Variants in PHTF1 observed in about 807,000 individuals in gnomAD.
PHTF1 encodes protein PHTF1.
A neutral mutation model predicts 102.4 loss-of-function variants in PHTF1; 88 were observed. The observed-to-expected ratio is 0.86, with a 90% CI of 0.72 to 1.03. The LOEUF (loss-of-function observed/expected upper bound fraction) is 1.03, where lower values mean the gene tolerates loss of function less well. PHTF1 is among the 50% of genes least tolerant of loss of function. The probability of loss-of-function intolerance (pLI) is 0.00; values close to 1 mark genes in which losing one functional copy is unlikely to be tolerated. For missense variants in PHTF1, 814 were observed against 909.5 expected, an observed-to-expected ratio of 0.89 and a Z score of 1.35; for synonymous variants, 289 against 305.2, an observed-to-expected ratio of 0.95 and a Z score of 0.55.
chr1:113,704,909 A>G (rs1270906322), intron 13 of PHTF1, 112 bp from the exon 14 acceptor site: 7 of 806,830 alleles, frequency 8.7e-6, no homozygotes, highest in East Asian at 7.7e-5. Context: ...ATGAAGTTCT[A>G]ATCAGTGTTC....
At chr1:113,756,834 G>C (rs928640068) in intron 3 of PHTF1, among the ~76,000 whole-genome samples, 1 of 152,166 alleles carries the variant, frequency 6.6e-6, no homozygotes, top group African/African-American at 2.4e-5. Flanking sequence ...TCAGTTCTAA[G>C]AGCTGTGTAG....
intron 5 of PHTF1, among the ~76,000 whole-genome samples, chr1:113,731,354 G>C (rs1048679394): frequency 1.3e-5 from 2 of 150,932 alleles, no homozygotes; most frequent in Non-Finnish European, 3.0e-5. Context: ...GCAATATAGC[G>C]AGAGCCCATC....
Position 113,706,635 on chromosome 1 carries a change from C to T in PHTF1, c.1357G>A (p.Asp453Asn). 6.2e-7 allele frequency: 1 copy of T among 1,612,024 alleles called. No individual in the cohort carries two copies. The highest frequency in any genetic ancestry group is 1.3e-5 in the African/African-American group (1 of 74,892). The change falls in exon 12 of 19, where the codon GAT (aspartate) becomes AAT (asparagine). Residue 453 changes from aspartate to asparagine, a missense_variant. Transcript: ENST00000369604. ...CCACTTATTTCCAACACAGACATAT[C>T]CATCTTTTTGCACTCATTCCCCTCC... ...IWEGNECKKM[D>N]MSVLEISGII... is the part of the protein sequence containing the mutation.
intron 3 of PHTF1, among the ~76,000 whole-genome samples, chr1:113,755,752 GAA>G (rs1658761957): frequency 6.6e-6 from 1 of 152,132 alleles, no homozygotes; most frequent in African/African-American, 2.4e-5. Flanking sequence ...AAATGACATG[GAA>G]AAGAGTGAAG....
Position 113,713,323 on chromosome 1 carries a change from T to C in PHTF1, c.739A>G (p.Thr247Ala). Residue 247 changes from threonine to alanine, a missense_variant, in exon 8 of 19, where the codon ACA (threonine) becomes GCA (alanine). Coordinates refer to ENST00000369604, the MANE Select transcript of PHTF1 (RefSeq NM_001323043.2). ...TCTGAAAATTTTGCTTTCTCTCTTG[T>C]TTGCCACATTCTAATCTCTGGTCGA... ...QCRPEIRMWQ[T>A]REKAKFSDGE... is the part of the protein sequence containing the mutation. The C allele has an allele frequency of 6.2e-7, 1 of 1,613,872 alleles. No homozygotes were observed. Among genetic ancestry groups the C allele is most frequent in the Non-Finnish European group, 8.5e-7 (1 of 1,179,796 alleles).
intron 4 of PHTF1, among the ~76,000 whole-genome samples, chr1:113,738,475 T>C (rs1172240679): frequency 6.6e-6 from 1 of 152,200 alleles, no homozygotes; most frequent in Non-Finnish European, 1.5e-5. Flanking sequence ...TCAGGCTTAC[T>C]TGAATGTTAA....
chr1:113,697,822 A>G (rs1648956963), intron 18 of PHTF1, 97 bp from the exon 19 acceptor site: 5 of 813,494 alleles, frequency 6.1e-6, no homozygotes, highest in South Asian at 6.1e-5. Flanking sequence ...ATCCTTTATA[A>G]AAGAAGAAAA....
At position 113,723,812 on chromosome 1, in the gene PHTF1, G is replaced by A. The variant is rs1653384326; in HGVS notation, c.623+947C>T. Among the ~76,000 whole-genome samples, 4 of 152,062 alleles carry A rather than the reference G, an allele frequency of 2.6e-5. No homozygotes were observed. In the South Asian group the frequency reaches 8.3e-4, roughly 32 times the overall value. ...GTTAAAAAGCATCTATATAGCAAAG[G>A]AAACAATCAACCAAGTGAAAATACA... On this transcript the variant is annotated intron_variant, in intron 7 of 18. Transcript: ENST00000369604.
chr1:113,720,585 C>G (rs1557930306), intron 7 of PHTF1, among the ~76,000 whole-genome samples: 1 of 152,172 alleles, frequency 6.6e-6, no homozygotes, highest in Non-Finnish European at 1.5e-5. Flanking sequence ...AAAATGATAT[C>G]AAGTATCACC....
At chr1:113,721,846 C>G (rs1011895900) in intron 7 of PHTF1, among the ~76,000 whole-genome samples, 1 of 151,720 alleles carries the variant, frequency 6.6e-6, no homozygotes, top group African/African-American at 2.4e-5. Context: ...CCCGCCACCA[C>G]GCCCGGCTAA....
At chr1:113,698,179 AC>A in intron 18 of PHTF1, 82 bp downstream of exon 18, 1 of 888,612 alleles carries the variant, frequency 1.1e-6, no homozygotes, top group Non-Finnish European at 1.7e-6. Flanking sequence ...ACACACACAC[AC>A]ACACACACGT....
At chr1:113,747,281 T>C (rs532945668) in intron 3 of PHTF1, among the ~76,000 whole-genome samples, 1 of 152,340 alleles carries the variant, frequency 6.6e-6, no homozygotes, top group South Asian at 2.1e-4. Flanking sequence ...TCTCACAAAT[T>C]TTTTGCTTGT....
chr1:113,731,625 G>C (rs4393155), intron 5 of PHTF1, among the ~76,000 whole-genome samples: 2 of 151,960 alleles, frequency 1.3e-5, no homozygotes, highest in East Asian at 3.9e-4. Context: ...CAGGCGCTGT[G>C]GCTCACACCT....
At chr1:113,729,792 G>A (rs910300036) in intron 5 of PHTF1, among the ~76,000 whole-genome samples, 6 of 152,190 alleles carry the variant, frequency 3.9e-5, no homozygotes, top group Non-Finnish European at 8.8e-5. Context: ...TCTGAGGACT[G>A]AAGGGTGATG....
intron 3 of PHTF1, among the ~76,000 whole-genome samples, chr1:113,751,868 T>A (rs966879104): frequency 1.3e-5 from 2 of 152,216 alleles, no homozygotes; most frequent in African/African-American, 4.8e-5. Flanking sequence ...AGTTCCTCCA[T>A]CACCTTGCCA....
At chr1:113,713,219 C>T (rs909545147) in intron 8 of PHTF1, 60 bp downstream of exon 8, 139 of 1,455,628 alleles carry the variant, frequency 9.5e-5, no homozygotes, top group Non-Finnish European at 1.3e-4. Flanking sequence ...CTAACAGAAT[C>T]TTAATAGGAA....
chr1:113,712,056 C>A lies in PHTF1; in HGVS notation c.841G>T (p.Gly281Cys), dbSNP rs2101182384. 6.2e-7 allele frequency: 1 copy of A among 1,613,992 alleles called. No homozygotes were observed. Among genetic ancestry groups the A allele is most frequent in the South Asian group, 1.1e-5 (1 of 91,070 alleles). Residue 281 changes from glycine to cysteine, a missense_variant, in exon 9 of 19, where the codon GGT becomes TGT. Transcript: ENST00000369604. ...VSDDLSSEEDGEARTQMILLR... is the reference protein window; with the variant it reads ...VSDDLSSEEDCEARTQMILLR... ...AATATCATCTGTGTCCGTGCTTCAC[C>A]ATCTTCTTCACTTGACAGGTCATCA...
chr1:113,757,800 C>T (rs1659101550), intron 2 of PHTF1, 45 bp from the exon 3 acceptor site: 4 of 1,219,110 alleles, frequency 3.3e-6, no homozygotes, highest in Non-Finnish European at 4.9e-6. Flanking sequence ...CAAAGGAAAT[C>T]CTTACATTAT....
At chr1:113,737,819 C>A (rs544788604) in intron 5 of PHTF1, among the ~76,000 whole-genome samples, 48 of 152,178 alleles carry the variant, frequency 3.2e-4, no homozygotes, top group African/African-American at 1.1e-3. Context: ...ACAAAAAACA[C>A]ACATACCCAA....
Sources: gnomAD v4.1 joint callset for allele counts (sites outside exome capture counted in the v4.1 genomes callset) on GRCh38, gnomAD v4.1.1 for gene constraint, MANE v1.5 for transcripts, NCBI Gene and HGNC (gene_info 2026-07-23, HGNC 2026-07-21) for gene names.